The following JAK2 variants were observed in gnomAD, a reference collection of about 807,000 sequenced individuals.
JAK2 encodes Janus kinase 2.
JAK2 carries 86 observed loss-of-function variants against 139.3 expected under a neutral mutation model. The ratio of observed to expected loss-of-function variants is 0.62; its 90% confidence interval spans 0.52 to 0.74. The LOEUF is 0.74. JAK2 is among the 30% of genes least tolerant of loss of function. JAK2 has a pLI of 0.00. For synonymous variants in JAK2, 490 were observed against 437.7 expected (o/e 1.12, Z -1.49); for missense variants, 1,421 against 1,360.3 (o/e 1.04, Z -0.70).
intron 3 of JAK2, among the ~76,000 whole-genome samples, chr9:5,024,052 C>G (rs947822994): frequency 6.6e-6 from 1 of 151,912 alleles, no homozygotes; most frequent in South Asian, 2.1e-4. Flanking sequence ...ATCAGGAGAT[C>G]GAGATCATCC....
intron 2 of JAK2, among the ~76,000 whole-genome samples, chr9:5,009,241 CATTT>C (rs1376511200): frequency 2.0e-5 from 3 of 152,070 alleles, no homozygotes; most frequent in Non-Finnish European, 4.4e-5. Flanking sequence ...GAGAACGATC[CATTT>C]ATTTATTTCT....
Position 5,127,701 on chromosome 9 carries a change from A to C in JAK2, c.*910A>C. The stretch of plus-strand genomic sequence containing the variant: ...TAACATTCTTCGATCTCTGGGATTT[A>C]TGCTCATGAACTAAATTTAAGCTTA... On this transcript the variant is annotated 3_prime_UTR_variant, in exon 25 of 25. Transcript: ENST00000381652. 1 of 232,424 alleles carries C rather than the reference A, an allele frequency of 4.3e-6. No individual in the cohort carries two copies. Among genetic ancestry groups the C allele is most frequent in the Non-Finnish European group, 8.5e-6 (1 of 117,110 alleles). The allele number at this position is 232,424 out of a possible 1,614,324, so 14.4% of individuals were successfully genotyped here. A position where few individuals can be genotyped will look rare whatever the true frequency, so the allele number is the denominator to read the frequency against.
chr9:5,059,657 T>C (rs1332986113), intron 8 of JAK2, among the ~76,000 whole-genome samples: 1 of 152,206 alleles, frequency 6.6e-6, no homozygotes, highest in Non-Finnish European at 1.5e-5. Flanking sequence ...CAGTTCACTC[T>C]TCTTTCAGTA....
chr9:5,031,187 G>C (rs1823122140), intron 4 of JAK2, among the ~76,000 whole-genome samples: 1 of 152,010 alleles, frequency 6.6e-6, no homozygotes, highest in Non-Finnish European at 1.5e-5. Context: ...TCCTAACAAA[G>C]GCATTTTACG....
intron 22 of JAK2, chr9:5,098,712 G>C (rs1030536594): frequency 1.0e-5 from 1 of 97,700 alleles, no homozygotes; most frequent in Non-Finnish European, 2.1e-5. Flanking sequence ...TTTTTTTTTT[G>C]AGACAGAGTC....
At chr9:5,010,730 T>G (rs1196910174) in intron 2 of JAK2, among the ~76,000 whole-genome samples, 14 of 152,232 alleles carry the variant, frequency 9.2e-5, no homozygotes, top group Non-Finnish European at 2.1e-4. Context: ...TGAGTTTACA[T>G]GTAATATTTC....
rs760174050 is a variant in JAK2, at chr9:5,054,631, G to A, written c.683G>A (p.Arg228Gln). 4.3e-6 allele frequency: 7 copies of A among 1,612,726 alleles called. No homozygotes were observed. Among genetic ancestry groups the A allele is most frequent in the South Asian group, 1.1e-5 (1 of 90,900 alleles). ...GACTATCATATTTTGACAAGGAAGC[G>A]AATAAGGTACAGATTTCGCAGATTT... ...IQDYHILTRK[R>Q]IRYRFRRFIQ... is the part of the protein sequence containing the mutation. The change falls in exon 7 of 25, where the codon CGA (arginine) becomes CAA (glutamine). Residue 228 changes from arginine (R) to glutamine (Q), a missense_variant. Physicochemically the swap from Arg to Gln is conservative, Grantham distance 43. Transcript: ENST00000381652. This position sits in a 1 kb window ranked among gnomAD's most constrained non-coding sequence, Gnocchi z 4.9.
chr9:5,078,229 T>A (rs751839274), intron 15 of JAK2, 77 bp from the exon 16 acceptor site: 244 of 1,214,128 alleles, frequency 2.0e-4, no homozygotes, highest in Non-Finnish European at 2.4e-4. Flanking sequence ...TTAAATCTGT[T>A]TTGGGGGCTT....
At chr9:5,115,388 G>C (rs185947279) in intron 22 of JAK2, among the ~76,000 whole-genome samples, 4 of 152,110 alleles carry the variant, frequency 2.6e-5, no homozygotes, top group African/African-American at 9.7e-5. Flanking sequence ...TTAGAATGGC[G>C]ATCATTAAAA....
chr9:5,015,209 A>G (rs770590614), intron 2 of JAK2, among the ~76,000 whole-genome samples: 3 of 152,186 alleles, frequency 2.0e-5, no homozygotes, highest in South Asian at 4.1e-4. Context: ...AGTTTTTGCC[A>G]TTGGAAGCTG....
intron 2 of JAK2, among the ~76,000 whole-genome samples, chr9:5,002,249 ATCTT>A (rs1175909651): frequency 6.6e-6 from 1 of 151,514 alleles, no homozygotes; most frequent in Non-Finnish European, 1.5e-5. Flanking sequence ...TTAATTTCAT[ATCTT>A]TCTTCTTTTC....
intron 2 of JAK2, among the ~76,000 whole-genome samples, chr9:4,990,771 G>A (rs1163815100): frequency 1.3e-5 from 2 of 152,064 alleles, no homozygotes; most frequent in African/African-American, 4.8e-5. Flanking sequence ...GAAGAAAATT[G>A]CTTATACTTT....
Position 5,054,512 on chromosome 9 carries a change from T to C in JAK2, c.615-51T>C. On this transcript the variant is annotated intron_variant, in intron 6 of 24. Coordinates refer to ENST00000381652, the MANE Select transcript of JAK2 (RefSeq NM_004972.4). The surrounding 1 kb of genome is among the most constrained non-coding windows in gnomAD (Gnocchi z 4.9). ...TTCTTTTTCAATTTTTAGATTTATC[T>C]TCCAATTTTTGTTTTGTTTTGTTTT... 7.0e-7 allele frequency: 1 copy of C among 1,421,850 alleles called. No homozygotes were observed. Among genetic ancestry groups the C allele is most frequent in the South Asian group, 1.4e-5 (1 of 71,890 alleles). 88.1% of individuals were successfully genotyped at this position (1,421,850 alleles called of 1,614,324 possible).
chr9:5,066,993 T>C (rs977993259), intron 10 of JAK2, among the ~76,000 whole-genome samples: 16 of 152,116 alleles, frequency 1.1e-4, no homozygotes, highest in Admixed American at 7.2e-4. Flanking sequence ...TAAAATAATT[T>C]ATAATGTCTA....
intron 3 of JAK2, among the ~76,000 whole-genome samples, chr9:5,024,432 T>C (rs1822645127): frequency 6.6e-6 from 1 of 152,092 alleles, no homozygotes; most frequent in South Asian, 2.1e-4. Flanking sequence ...GGGGCTCTCA[T>C]TCAGTGTTTA....
intron 19 of JAK2, among the ~76,000 whole-genome samples, chr9:5,087,398 C>A (rs1820210993): frequency 6.6e-6 from 1 of 152,190 alleles, no homozygotes; most frequent in Admixed American, 6.5e-5. Context: ...CCACCAGGTC[C>A]TTCCAATGAC....
chr9:5,069,975 A>C lies in JAK2; in HGVS notation c.1564A>C (p.Thr522Pro), dbSNP rs1049514564. 6 of 1,608,144 alleles carry C rather than the reference A, an allele frequency of 3.7e-6. No individual in the cohort carries two copies. Among genetic ancestry groups the C allele is most frequent in the Non-Finnish European group, 5.1e-6 (6 of 1,175,572 alleles). The change falls in exon 12 of 25, where the codon ACC becomes CCC. Residue 522 changes from threonine (T) to proline (P), a missense_variant. Coordinates refer to ENST00000381652, the MANE Select transcript of JAK2 (RefSeq NM_004972.4). ...AACGAATGGTGTTTCTGATGTACCA[A>C]CCTCACCAACATTACAGAGGCCTAC... ...FRTNGVSDVPTSPTLQRPTHM... is the reference protein window; with the variant it reads ...FRTNGVSDVPPSPTLQRPTHM...
chr9:5,108,567 C>T (rs1822165235), intron 22 of JAK2: 1 of 152,024 alleles, frequency 6.6e-6, no homozygotes, highest in Non-Finnish European at 1.5e-5. Flanking sequence ...TCACCTGTGA[C>T]TCCCAAAAGC....
chr9:5,049,239 A>G (rs1817245382), intron 5 of JAK2, among the ~76,000 whole-genome samples: 1 of 152,160 alleles, frequency 6.6e-6, no homozygotes, highest in South Asian at 2.1e-4. Flanking sequence ...CTACTCTGCC[A>G]ATGGAAGAGA....
Sources: gnomAD v4.1 joint callset for allele counts (sites outside exome capture counted in the v4.1 genomes callset) on GRCh38, gnomAD v4.1.1 for gene constraint, Gnocchi (gnomAD v3.1) non-coding constraint, MANE v1.5 for transcripts, NCBI Gene and HGNC (gene_info 2026-07-23, HGNC 2026-07-21) for gene names.